C11orf16: variants seen among roughly 807,000 people sequenced by gnomAD.
C11orf16 encodes chromosome 11 open reading frame 16.
Under a neutral mutation model 45.1 loss-of-function variants are expected in C11orf16, and 38 were observed. That is an observed-to-expected ratio of 0.84 (90% CI 0.65 to 1.10). The LOEUF (loss-of-function observed/expected upper bound fraction) is 1.10. C11orf16 is among the 50% of genes least tolerant of loss of function. The pLI is 0.00. For missense variants in C11orf16, 583 were observed against 569.5 expected, an observed-to-expected ratio of 1.02 and a Z score of -0.24; for synonymous variants, 221 against 222.0, an observed-to-expected ratio of 1.00 and a Z score of 0.04.
At chr11:8,926,851 A>G in intron 4 of C11orf16, 89 bp downstream of exon 4, 1 of 1,034,514 alleles carries the variant, frequency 9.7e-7, no homozygotes, top group Non-Finnish European at 1.4e-6. Flanking sequence ...GAAACCCCTA[A>G]GCTGTAGACG....
chr11:8,921,616 T>C, intron 5 of C11orf16, 101 bp from the exon 6 acceptor site: 1 of 1,075,312 alleles, frequency 9.3e-7, no homozygotes, highest in Non-Finnish European at 1.4e-6. Flanking sequence ...AGCTCAAGCA[T>C]TGTTTTCTTT....
At chr11:8,926,732 AT>A (rs774250888) in intron 4 of C11orf16, among the ~76,000 whole-genome samples, 62 of 150,142 alleles carry the variant, frequency 4.1e-4, no homozygotes, top group East Asian at 3.5e-3. Flanking sequence ...CCTGATTACA[AT>A]TTTTTTTTTA....
chr11:8,927,182 AAAG>A lies in C11orf16; in HGVS notation c.325-11_325-9del. The A allele has an allele frequency of 1.9e-6, 3 of 1,606,638 alleles. No homozygotes were observed. The highest frequency in any genetic ancestry group is 2.6e-6 in the Non-Finnish European group (3 of 1,174,292). On this transcript the variant is annotated splice_polypyrimidine_tract_variant and intron_variant, in intron 3 of 6. Coordinates refer to ENST00000326053, the MANE Select transcript of C11orf16 (RefSeq NM_020643.3). Reference sequence around the variant, plus strand: ...GACCCCCTGTCTCTCCAGCTGTGGGAAAGAAAACACTCAGAATAAGACCTGGCA... The same window carrying A: ...GACCCCCTGTCTCTCCAGCTGTGGGAAAAACACTCAGAATAAGACCTGGCA...
chr11:8,929,178 C>T (rs567385412), intron 3 of C11orf16, 199 bp downstream of exon 3: 26 of 544,878 alleles, frequency 4.8e-5, no homozygotes, highest in Middle Eastern at 4.8e-4. Context: ...TAAGCCACTC[C>T]GTTTGTTGCA....
At chr11:8,929,573 A>G (rs752782042) in intron 2 of C11orf16, 40 bp from the exon 3 acceptor site, 3 of 1,573,200 alleles carry the variant, frequency 1.9e-6, no homozygotes, top group South Asian at 2.3e-5. Flanking sequence ...AGAGAGCAAC[A>G]AGCCCTAAAC....
rs774271478 is a variant in C11orf16 at position 8,927,074 on chromosome 11, A to G, written c.425T>C (p.Val142Ala). The change falls in exon 4 of 7, where the codon GTC becomes GCC. Residue 142 changes from valine (V) to alanine (A), a missense_variant. Coordinates refer to ENST00000326053, the MANE Select transcript of C11orf16 (RefSeq NM_020643.3). Reference sequence around the variant, plus strand: ...TCCTACAGATGGTGAGAGAGGAATGACATCCTCTTCTAAGACCACTCTCTG... The same window carrying G: ...TCCTACAGATGGTGAGAGAGGAATGGCATCCTCTTCTAAGACCACTCTCTG... ...QQQRVVLEEDVIPLSPSVGYS... is the reference protein window; with the variant it reads ...QQQRVVLEEDAIPLSPSVGYS... 5 of 1,614,010 alleles carry G rather than the reference A, an allele frequency of 3.1e-6. No individual in the cohort carries two copies. Among genetic ancestry groups the G allele is most frequent in the African/African-American group, 1.3e-5 (1 of 75,040 alleles).
At chr11:8,927,557 A>G (rs1196157836) in intron 3 of C11orf16, 5 of 456,998 alleles carry the variant, frequency 1.1e-5, no homozygotes, top group African/African-American at 6.0e-5. Context: ...AGCACCCCCA[A>G]GAAGCGTCGC....
At position 8,925,644 on chromosome 11, in the gene C11orf16, G is replaced by A; in HGVS notation, c.1023C>T (p.Ser341=). Residue 341 remains serine, a synonymous_variant, in exon 5 of 7, where the codon TCC becomes TCT. Transcript: ENST00000326053. ...PLAVSSSSSS[S]CEQDGVENDL... ...CATTCTCCACACCGTCTTGTTCACA[G>A]GAGGAGGATGAGGAGGAAGAAACAG... The A allele has an allele frequency of 1.2e-6, 2 of 1,614,034 alleles. No homozygotes were observed. The highest frequency in any genetic ancestry group is 1.7e-5 in the Admixed American group (1 of 60,028).
intron 4 of C11orf16, 92 bp downstream of exon 4, chr11:8,926,848 C>T (rs2064617360): frequency 9.8e-7 from 1 of 1,019,374 alleles, no homozygotes. Context: ...TTAGAAACCC[C>T]TAAGCTGTAG....
chr11:8,920,967 A>G (rs534686894), intron 6 of C11orf16, among the ~76,000 whole-genome samples: 1 of 152,260 alleles, frequency 6.6e-6, no homozygotes, highest in South Asian at 2.1e-4. Context: ...TATTTTATAT[A>G]ATGGAAATAA....
intron 6 of C11orf16, 52 bp from the exon 7 acceptor site, chr11:8,920,502 G>T: frequency 1.6e-6 from 1 of 638,012 alleles, no homozygotes; most frequent in Non-Finnish European, 2.8e-6. Flanking sequence ...GCAATTTTAA[G>T]AATCAAAAGT....
In C11orf16 at chr11:8,921,481, C is replaced by A. The variant is rs967437086; in HGVS notation, c.1239G>T (p.Lys413Asn). The A allele has an allele frequency of 1.2e-6, 2 of 1,614,180 alleles. No individual in the cohort carries two copies. The highest frequency in any genetic ancestry group is 3.3e-5 in the Admixed American group (2 of 60,008). ...TRYSNICKEEKDHKQQRAQTA... is the reference protein window; with the variant it reads ...TRYSNICKEENDHKQQRAQTA... ...TTTGTGCTCTCTGCTGTTTGTGATC[C>A]TTTTCTTCTTTGCAGATGTTGGAAT... Residue 413 changes from lysine (K) to asparagine (N), a missense_variant, in exon 6 of 7, where the codon AAG becomes AAT. Transcript: ENST00000326053.
chr11:8,927,485 G>A, intron 3 of C11orf16: 1 of 430,858 alleles, frequency 2.3e-6, no homozygotes, highest in Non-Finnish European at 4.4e-6. Context: ...TTTTTGACCT[G>A]CAATTGCCAG....
chr11:8,926,193 T>C (rs2064612140), intron 4 of C11orf16, 86 bp from the exon 5 acceptor site: 2 of 1,269,224 alleles, frequency 1.6e-6, no homozygotes, highest in South Asian at 3.3e-5. Flanking sequence ...TTCTTTTTTT[T>C]TTTTTTTTTT....
In C11orf16 at chr11:8,921,447, C is replaced by T. The variant is rs1314834885; in HGVS notation, c.1273G>A (p.Val425Met). ...HKQQRAQTAV[V>M]GTTKELVSKA... ...GAGACCAGCTCCTTGGTAGTCCCCACTACTGCAGTTTGTGCTCTCTGCTGT... is the reference window on the plus strand; with the variant it reads ...GAGACCAGCTCCTTGGTAGTCCCCATTACTGCAGTTTGTGCTCTCTGCTGT... The change falls in exon 6 of 7, where the codon GTG becomes ATG. Residue 425 changes from valine (V) to methionine (M), a missense_variant. Physicochemically the swap from Val to Met is conservative, Grantham distance 21. Coordinates refer to ENST00000326053, the MANE Select transcript of C11orf16 (RefSeq NM_020643.3). 6.2e-7 allele frequency: 1 copy of T among 1,614,116 alleles called. No homozygotes were observed. Among genetic ancestry groups the T allele is most frequent in the African/African-American group, 1.3e-5 (1 of 74,948 alleles).
At chr11:8,923,778 A>G (rs1355945534) in intron 5 of C11orf16, among the ~76,000 whole-genome samples, 1 of 151,798 alleles carries the variant, frequency 6.6e-6, no homozygotes, top group Non-Finnish European at 1.5e-5. Context: ...TAATTTTTGT[A>G]TTTTTAGTAG....
chr11:8,924,182 A>C (rs887396197), intron 5 of C11orf16, among the ~76,000 whole-genome samples: 8 of 151,968 alleles, frequency 5.3e-5, no homozygotes, highest in Non-Finnish European at 8.8e-5. Flanking sequence ...CAATTTCTCA[A>C]CTTCCTGGAA....
intron 5 of C11orf16, among the ~76,000 whole-genome samples, chr11:8,924,370 C>G (rs2064594241): frequency 6.6e-6 from 1 of 152,104 alleles, no homozygotes; most frequent in Non-Finnish European, 1.5e-5. Flanking sequence ...ACTAAAAATA[C>G]AAAAAGTTAG....
intron 3 of C11orf16, chr11:8,927,618 G>T (rs761438926): frequency 5.0e-5 from 23 of 456,974 alleles, no homozygotes; most frequent in Non-Finnish European, 1.0e-4. Flanking sequence ...CAGGATGGTT[G>T]TTCACCTATG....
Sources: allele counts gnomAD v4.1 joint callset (sites outside exome capture counted in the v4.1 genomes callset), GRCh38; gene constraint gnomAD v4.1.1; transcripts MANE v1.5; gene names NCBI Gene and HGNC (gene_info 2026-07-23, HGNC 2026-07-21).